The following ADGRV1 variants were observed in gnomAD, a reference collection of about 807,000 sequenced individuals.
ADGRV1 encodes the protein G-protein coupled receptor 98.
Under a neutral mutation model 596.2 loss-of-function variants are expected in ADGRV1, and 359 were observed. The ratio of observed to expected loss-of-function variants is 0.60; its 90% CI spans 0.55 to 0.66. The LOEUF is 0.66. Among genes scored for constraint, ADGRV1 ranks in the 30% least tolerant of loss-of-function variants. ADGRV1 has a pLI of 0.00. For synonymous variants in ADGRV1, 2,681 were observed against 2,679.2 expected (o/e 1.00, Z -0.02); for missense variants, 7,274 against 7,575.6 (o/e 0.96, Z 1.48).
intron 6 of ADGRV1, chr5:90,626,244 A>T (rs1038897838): frequency 2.6e-5 from 4 of 152,264 alleles, no homozygotes; most frequent in African/African-American, 7.2e-5. Context: ...ATTAGAAAAG[A>T]ATTTTTCTCT....
At chr5:90,699,306 T>C (rs867037838) in intron 34 of ADGRV1, among the ~76,000 whole-genome samples, 1 of 152,188 alleles carries the variant, frequency 6.6e-6, no homozygotes, top group African/African-American at 2.4e-5. Context: ...CAAATCCCTG[T>C]CCTTCACAGC....
intron 1 of ADGRV1, among the ~76,000 whole-genome samples, chr5:90,606,384 C>T (rs1452441279): frequency 6.6e-6 from 1 of 152,052 alleles, no homozygotes; most frequent in African/African-American, 2.4e-5. Context: ...TCATTGTATA[C>T]CAGGGACTGT....
chr5:90,614,787 ATAGAT>A (rs1763151119), intron 1 of ADGRV1, 43 bp from the exon 2 acceptor site: 3 of 1,251,152 alleles, frequency 2.4e-6, no homozygotes, highest in African/African-American at 1.5e-5. Context: ...TCTAATGAGA[ATAGAT>A]TAGATATATT....
At chr5:90,991,786 A>G (rs943703062) in intron 85 of ADGRV1, among the ~76,000 whole-genome samples, 1 of 152,258 alleles carries the variant, frequency 6.6e-6, no homozygotes, top group Admixed American at 6.5e-5. Flanking sequence ...ATTCTAAATT[A>G]GAACTAAGTA....
chr5:90,914,650 C>G (rs1162888492), intron 83 of ADGRV1, among the ~76,000 whole-genome samples: 1 of 152,046 alleles, frequency 6.6e-6, no homozygotes, highest in East Asian at 1.9e-4. Context: ...ATGATTTCCC[C>G]ATTTCTGATT....
At chr5:90,873,851 TCTA>T (rs766650129) in intron 83 of ADGRV1, among the ~76,000 whole-genome samples, 11 of 152,100 alleles carry the variant, frequency 7.2e-5, no homozygotes, top group Admixed American at 1.3e-4. Flanking sequence ...TAAATGCTTT[TCTA>T]CTGTCTGTTT....
intron 85 of ADGRV1, among the ~76,000 whole-genome samples, chr5:91,023,472 AG>A (rs1783801429): frequency 1.3e-5 from 2 of 152,174 alleles, no homozygotes; most frequent in Admixed American, 6.5e-5. Context: ...TCAAATGAAA[AG>A]GTATATATGT....
chr5:90,718,886 A>G (rs1444944044), intron 43 of ADGRV1, among the ~76,000 whole-genome samples: 1 of 152,062 alleles, frequency 6.6e-6, no homozygotes, highest in Non-Finnish European at 1.5e-5. Flanking sequence ...GTTAGAGCAA[A>G]TTGGATTAAA....
intron 29 of ADGRV1, among the ~76,000 whole-genome samples, chr5:90,687,987 T>C (rs1745911301): frequency 6.6e-6 from 1 of 152,128 alleles, no homozygotes; most frequent in African/African-American, 2.4e-5. Flanking sequence ...AGGTAATTTA[T>C]AGATTCAATG....
intron 21 of ADGRV1, among the ~76,000 whole-genome samples, chr5:90,661,116 A>G (rs922653189): frequency 6.6e-6 from 1 of 152,122 alleles, no homozygotes; most frequent in Non-Finnish European, 1.5e-5. Context: ...CCACATTCTC[A>G]TGTTTCTTCC....
In ADGRV1 at chr5:90,811,102, G is replaced by A. The variant is rs1762402180; in HGVS notation, c.15842G>A (p.Gly5281Glu). The A allele has an allele frequency of 6.2e-7, 1 of 1,613,688 alleles. No homozygotes were observed. The highest frequency in any genetic ancestry group is 1.7e-5 in the Admixed American group (1 of 60,010). ...GCATTGCCCTTTCGTGGTATCTATG[G>A]GATTTCCAACCTAACATGGGCAGTT... ...PNALPFRGIY[G>E]ISNLTWAVEE... The change falls in exon 74 of 90, where the codon GGG (glycine) becomes GAG (glutamate). Residue 5281 changes from glycine to glutamate, a missense_variant. This residue lies in a region of ADGRV1 where 1,874 missense variants were observed against 1,970.2 expected (regional missense o/e 0.95). Coordinates refer to ENST00000405460, the MANE Select transcript of ADGRV1 (RefSeq NM_032119.4).
chr5:91,088,960 A>G (rs545993769), intron 86 of ADGRV1, among the ~76,000 whole-genome samples: 5 of 152,186 alleles, frequency 3.3e-5, no homozygotes, highest in Admixed American at 1.3e-4. Flanking sequence ...CAATCCAGGA[A>G]TTGCCTTTTT....
chr5:90,969,172 C>T (rs1242029865), intron 84 of ADGRV1, among the ~76,000 whole-genome samples: 1 of 152,084 alleles, frequency 6.6e-6, no homozygotes, highest in Non-Finnish European at 1.5e-5. Flanking sequence ...AATAACAGTA[C>T]CTCTCTTTAC....
At chr5:90,578,357 C>A (rs1190696436) in intron 1 of ADGRV1, among the ~76,000 whole-genome samples, 1 of 152,182 alleles carries the variant, frequency 6.6e-6, no homozygotes, top group Non-Finnish European at 1.5e-5. Context: ...TTTTCTGCAT[C>A]TATTGAGATA....
At chr5:90,665,414 G>A (rs1195870471) in intron 21 of ADGRV1, among the ~76,000 whole-genome samples, 2 of 152,010 alleles carry the variant, frequency 1.3e-5, no homozygotes, top group Non-Finnish European at 2.9e-5. Context: ...GGTGTTTGTA[G>A]TATTCTCTGA....
intron 55 of ADGRV1, 82 bp downstream of exon 55, chr5:90,755,267 A>ATCC: frequency 1.2e-6 from 1 of 847,068 alleles, no homozygotes; most frequent in Non-Finnish European, 1.8e-6. Flanking sequence ...GTAAGTAAAA[A>ATCC]TCTTTTTTTT....
chr5:91,117,215 T>A (rs1052637038), intron 87 of ADGRV1, among the ~76,000 whole-genome samples: 6 of 152,178 alleles, frequency 3.9e-5, no homozygotes, highest in African/African-American at 1.4e-4. Flanking sequence ...ATTTGTAATG[T>A]CAAAAATATA....
chr5:91,164,161 C>T lies in ADGRV1; in HGVS notation c.*261C>T, dbSNP rs766489860. On this transcript the variant is annotated 3_prime_UTR_variant, in exon 90 of 90. Coordinates refer to ENST00000405460, the MANE Select transcript of ADGRV1 (RefSeq NM_032119.4). Reference sequence around the variant, plus strand: ...GGATATTAGTTGTTTTTTTAATCATCCTATATGGCTAACATTGTTTAATGA... The same window carrying T: ...GGATATTAGTTGTTTTTTTAATCATTCTATATGGCTAACATTGTTTAATGA... 2.0e-6 allele frequency: 1 copy of T among 507,584 alleles called. No homozygotes were observed. The allele number at this position is 507,584 out of a possible 1,614,324, so 31.4% of individuals were successfully genotyped here. A position where few individuals can be genotyped will look rare whatever the true frequency, so the allele number is the denominator to read the frequency against.
chr5:90,800,734 A>G (rs901389614), intron 70 of ADGRV1, among the ~76,000 whole-genome samples: 1 of 152,230 alleles, frequency 6.6e-6, no homozygotes, highest in Admixed American at 6.5e-5. Flanking sequence ...ATGGAATGCT[A>G]TACAGCCATA....
Sources: gnomAD v4.1 joint callset for allele counts (sites outside exome capture counted in the v4.1 genomes callset) on GRCh38, gnomAD v4.1.1 for gene constraint, gnomAD v4.1.1 regional missense constraint, MANE v1.5 for transcripts, NCBI Gene and HGNC (gene_info 2026-07-23, HGNC 2026-07-21) for gene names.